Variants in TNFRSF13B observed in about 807,000 individuals in gnomAD.
TNFRSF13B encodes tumor necrosis factor receptor superfamily member 13B.
In TNFRSF13B, 34 loss-of-function variants were observed where a neutral mutation model predicts 24.0. The ratio of observed to expected loss-of-function variants is 1.41; its 90% CI spans 1.08 to 1.88. The LOEUF is 1.88. TNFRSF13B is among the 40% of genes most tolerant of loss of function. The pLI, the probability that TNFRSF13B is intolerant of heterozygous loss-of-function variation, is 0.00. For synonymous variants in TNFRSF13B, 173 were observed against 150.3 expected, an observed-to-expected ratio of 1.15 and a Z score of -1.10; for missense variants, 415 against 380.8, an observed-to-expected ratio of 1.09 and a Z score of -0.75.
chr17:16,940,301 G>A (rs376288345), intron 4 of TNFRSF13B, 25 bp downstream of exon 4: 86 of 1,612,132 alleles, frequency 5.3e-5, no homozygotes, highest in Non-Finnish European at 6.9e-5. Flanking sequence ...CGAGAAGGGC[G>A]AGGACCCCAG....
chr17:16,964,284 C>G (rs1019827153), intron 1 of TNFRSF13B, among the ~76,000 whole-genome samples: 2 of 151,310 alleles, frequency 1.3e-5, no homozygotes, highest in Non-Finnish European at 2.9e-5. Flanking sequence ...CCCACCTCCA[C>G]TCAGAATGAA....
intron 1 of TNFRSF13B, among the ~76,000 whole-genome samples, chr17:16,960,571 A>G (rs886375824): frequency 2.0e-5 from 3 of 152,226 alleles, no homozygotes; most frequent in African/African-American, 7.2e-5. Context: ...ATGCAAGAGA[A>G]TGAAATTGAA....
rs34562254 is a variant in TNFRSF13B at position 16,939,677 on chromosome 17, G to A, written c.752C>T (p.Pro251Leu). The A allele has an allele frequency of 0.12, 187,821 of 1,610,656 alleles. 13,192 individuals are homozygous for A. Among genetic ancestry groups the A allele is most frequent in the East Asian group, 0.38 (17,220 of 44,768 alleles). ...TQESAVTPGTPDPTCAGRWGC... is the reference protein window; with the variant it reads ...TQESAVTPGTLDPTCAGRWGC... Reference sequence around the variant, plus strand: ...CCACCTTCCAGCACAAGTGGGGTCGGGGGTCCCAGGCGTGACTGCGCTCTC... The same window carrying A: ...CCACCTTCCAGCACAAGTGGGGTCGAGGGTCCCAGGCGTGACTGCGCTCTC... Residue 251 changes from proline (P) to leucine (L), a missense_variant, in exon 5 of 5, where the codon CCC becomes CTC. Coordinates refer to ENST00000261652, the MANE Select transcript of TNFRSF13B (RefSeq NM_012452.3).
chr17:16,947,700 A>T (rs1483247592), intron 3 of TNFRSF13B, among the ~76,000 whole-genome samples: 1 of 152,248 alleles, frequency 6.6e-6, no homozygotes, highest in Non-Finnish European at 1.5e-5. Flanking sequence ...AAAAAACAAC[A>T]GATGCTGGTG....
chr17:16,939,484 C>T lies in TNFRSF13B; in HGVS notation c.*63G>A, dbSNP rs1231526551. 7 of 1,542,180 alleles carry T rather than the reference C, an allele frequency of 4.5e-6. No individual in the cohort carries two copies. Among genetic ancestry groups the T allele is most frequent in the Middle Eastern group, 1.7e-4 (1 of 5,916 alleles). On this transcript the variant is annotated 3_prime_UTR_variant, in exon 5 of 5. Coordinates refer to ENST00000261652, the MANE Select transcript of TNFRSF13B (RefSeq NM_012452.3). ...TCATATCTCTCTCCCCTCTCCCCAC[C>T]TCTCTTTCTCTCTCCCCTCCTCTCC...
chr17:16,949,867 G>C (rs1399239443), intron 2 of TNFRSF13B, among the ~76,000 whole-genome samples: 1 of 151,934 alleles, frequency 6.6e-6, no homozygotes, highest in East Asian at 1.9e-4. Flanking sequence ...TGTATTTTTA[G>C]TAGAGATGGA....
rs1272124271 is a variant in TNFRSF13B at position 16,940,479 on chromosome 17, C to T, written c.478G>A (p.Val160Met). The T allele has an allele frequency of 1.2e-6, 2 of 1,613,718 alleles. No homozygotes were observed. Among genetic ancestry groups the T allele is most frequent in the African/African-American group, 2.7e-5 (2 of 74,942 alleles). The change falls in exon 4 of 5, where the codon GTG becomes ATG. Residue 160 changes from valine (V) to methionine (M), a missense_variant. By Grantham distance (21) the Val-to-Met change is conservative. Transcript: ENST00000261652. ...CCCAGCGTGCTGTAGACCAGGGCCA[C>T]CTGATCTGCACTCAGCTTCAGCCCC... ...LPGLKLSADQVALVYSTLGLC... is the reference protein window; with the variant it reads ...LPGLKLSADQMALVYSTLGLC...
chr17:16,955,078 C>T (rs1466066101), intron 1 of TNFRSF13B, among the ~76,000 whole-genome samples: 1 of 152,214 alleles, frequency 6.6e-6, no homozygotes, highest in Non-Finnish European at 1.5e-5. Flanking sequence ...GCGGGAGATT[C>T]TCTCCAGAAA....
chr17:16,952,560 C>T lies in TNFRSF13B; in HGVS notation c.85G>A (p.Val29Met), dbSNP rs1409789148. The T allele has an allele frequency of 6.2e-7, 1 of 1,614,232 alleles. No homozygotes were observed. Among genetic ancestry groups the T allele is most frequent in the Non-Finnish European group, 8.5e-7 (1 of 1,180,030 alleles). ...TCTTCGGGGCAGGATCTCATAGCCA[C>T]CCCCGTCCACAGGCCCTGTGGAACT... ...ERFPQGLWTG[V>M]AMRSCPEEQY... Residue 29 changes from valine (V) to methionine (M), a missense_variant, in exon 2 of 5, where the codon GTG becomes ATG. Transcript: ENST00000261652.
rs1309556374 is a variant in TNFRSF13B, at chr17:16,939,285, C to G, written c.*262G>C. 2.1e-6 allele frequency: 1 copy of G among 471,592 alleles called. No homozygotes were observed. Among genetic ancestry groups the G allele is most frequent in the Non-Finnish European group, 3.7e-6 (1 of 267,298 alleles). The allele number at this position is 471,592 out of a possible 1,614,324, so 29.2% of individuals were successfully genotyped here. A position where few individuals can be genotyped will look rare whatever the true frequency, so the allele number is the denominator to read the frequency against. ...TCTCCCTCTCTGTCTCTCTGCCTCTCTCCCTCTCTGCCTCTCTCCCTCTCT... is the reference window on the plus strand; with the variant it reads ...TCTCCCTCTCTGTCTCTCTGCCTCTGTCCCTCTCTGCCTCTCTCCCTCTCT... On this transcript the variant is annotated 3_prime_UTR_variant, in exon 5 of 5. Coordinates refer to ENST00000261652, the MANE Select transcript of TNFRSF13B (RefSeq NM_012452.3).
intron 3 of TNFRSF13B, among the ~76,000 whole-genome samples, chr17:16,945,121 A>C (rs2087538248): frequency 6.6e-6 from 1 of 152,240 alleles, no homozygotes; most frequent in South Asian, 2.1e-4. Flanking sequence ...CGACAGTCAC[A>C]GAGCCACCAA....
intron 1 of TNFRSF13B, among the ~76,000 whole-genome samples, chr17:16,964,411 C>T (rs538407468): frequency 5.8e-5 from 8 of 138,998 alleles, no homozygotes; most frequent in East Asian, 4.3e-4. Flanking sequence ...GGTGAGATCT[C>T]GGCTCACTGC....
intron 1 of TNFRSF13B, among the ~76,000 whole-genome samples, chr17:16,965,411 C>A (rs1422072049): frequency 6.6e-6 from 1 of 152,238 alleles, no homozygotes; most frequent in Non-Finnish European, 1.5e-5. Context: ...TATAGCCATT[C>A]TGCCTCCCCG....
intron 1 of TNFRSF13B, among the ~76,000 whole-genome samples, chr17:16,960,076 G>T (rs1212568638): frequency 6.6e-6 from 1 of 151,918 alleles, no homozygotes; most frequent in East Asian, 1.9e-4. Context: ...CACATGAAAA[G>T]TTTATTCACC....
At chr17:16,943,448 C>T (rs1204711094) in intron 3 of TNFRSF13B, among the ~76,000 whole-genome samples, 1 of 152,180 alleles carries the variant, frequency 6.6e-6, no homozygotes, top group Non-Finnish European at 1.5e-5. Context: ...CAGCACCTCT[C>T]CCTCCAGTTC....
chr17:16,952,886 G>A (rs1204378286), intron 1 of TNFRSF13B, among the ~76,000 whole-genome samples: 1 of 151,974 alleles, frequency 6.6e-6, no homozygotes, highest in South Asian at 2.1e-4. Context: ...AACGTGCCAC[G>A]CCTCTCCCTG....
intron 1 of TNFRSF13B, among the ~76,000 whole-genome samples, chr17:16,958,839 G>A (rs2087642576): frequency 6.6e-6 from 1 of 152,002 alleles, no homozygotes; most frequent in African/African-American, 2.4e-5. Context: ...GAGTTGAAGG[G>A]AGTAATAGAT....
intron 1 of TNFRSF13B, among the ~76,000 whole-genome samples, chr17:16,962,853 G>A (rs546824628): frequency 2.0e-5 from 3 of 152,290 alleles, no homozygotes; most frequent in East Asian, 1.9e-4. Flanking sequence ...CCTTCACCGG[G>A]GGCCGGGGGA....
chr17:16,959,329 T>C (rs769602419), intron 1 of TNFRSF13B, among the ~76,000 whole-genome samples: 1 of 151,380 alleles, frequency 6.6e-6, no homozygotes, highest in Non-Finnish European at 1.5e-5. Context: ...ACAAAAGCAA[T>C]GCAAAGAGGG....
Sources: allele counts gnomAD v4.1 joint callset (sites outside exome capture counted in the v4.1 genomes callset), GRCh38; gene constraint gnomAD v4.1.1; transcripts MANE v1.5; gene names NCBI Gene and HGNC (gene_info 2026-07-23, HGNC 2026-07-21).